The following DNMT3L variants were observed in gnomAD, a reference collection of about 807,000 sequenced individuals.
DNMT3L encodes DNA (cytosine-5)-methyltransferase 3-like.
A neutral mutation model predicts 36.2 loss-of-function variants in DNMT3L; 33 were observed. The ratio of observed to expected loss-of-function variants is 0.91; its 90% CI spans 0.69 to 1.22. The LOEUF is 1.22. Ranked by LOEUF, DNMT3L falls within the 50% of genes most tolerant of loss-of-function variation. The pLI is 0.00. For synonymous variants in DNMT3L, 117 were observed against 121.7 expected (o/e 0.96, Z 0.26); for missense variants, 310 against 303.1 (o/e 1.02, Z -0.17).
At chr21:44,260,726 G>A in intron 3 of DNMT3L, 69 bp downstream of exon 3, 1 of 1,602,824 alleles carries the variant, frequency 6.2e-7, no homozygotes. Flanking sequence ...CCAAAGTGCT[G>A]GGATTATAGG....
In DNMT3L at chr21:44,256,120, A is replaced by G. The variant is rs373613659; in HGVS notation, c.551T>C (p.Val184Ala). ...CACCCGGACTGGCTGTCTCCTCCAC[A>G]CAGGCACGGTTTCGAACATCTCAAG... The part of the protein sequence containing the change: ...NPLEMFETVP[V>A]WRRQPVRVLS... Residue 184 changes from valine to alanine, a missense_variant, in exon 7 of 12, where the codon GTG becomes GCG. Val to Ala is a moderately conservative substitution (Grantham distance 64). Transcript: ENST00000628202. 6.2e-7 allele frequency: 1 copy of G among 1,613,956 alleles called. No homozygotes were observed. The highest frequency in any genetic ancestry group is 8.5e-7 in the Non-Finnish European group (1 of 1,179,996).
At chr21:44,261,093 C>T (rs1184473746) in intron 2 of DNMT3L, 61 bp downstream of exon 2, 13 of 1,581,664 alleles carry the variant, frequency 8.2e-6, no homozygotes, top group Non-Finnish European at 7.8e-6. Context: ...AACTCCAGAC[C>T]TCATCCAGGC....
At chr21:44,254,179 G>A (rs1357112900) in intron 8 of DNMT3L, among the ~76,000 whole-genome samples, 2 of 152,226 alleles carry the variant, frequency 1.3e-5, no homozygotes, top group African/African-American at 4.8e-5. Flanking sequence ...CTTTCAAACA[G>A]TGACCAGTTG....
At chr21:44,257,167 G>A (rs2040266102) in intron 6 of DNMT3L, among the ~76,000 whole-genome samples, 1 of 152,012 alleles carries the variant, frequency 6.6e-6, no homozygotes, top group Non-Finnish European at 1.5e-5. Flanking sequence ...ATCACTTGAG[G>A]TCAGGAGTTC....
chr21:44,255,661 T>A (rs968447), intron 7 of DNMT3L, among the ~76,000 whole-genome samples: 2 of 152,016 alleles, frequency 1.3e-5, no homozygotes. Context: ...GAGGAGGCCC[T>A]GGCTTTCTCA....
At chr21:44,261,696 C>T (rs2838535) in intron 1 of DNMT3L, 44 bp downstream of exon 1, 17,435 of 167,914 alleles carry the variant, frequency 0.1, 1,139 homozygotes, top group African/African-American at 0.17. Context: ...TGGCCAGCCG[C>T]ACCCTTGAAG....
intron 8 of DNMT3L, 41 bp downstream of exon 8, chr21:44,254,576 C>T (rs766918063): frequency 8.7e-6 from 14 of 1,604,192 alleles, no homozygotes; most frequent in East Asian, 2.3e-5. Flanking sequence ...CTCGCACCCC[C>T]GCTCCCACTA....
chr21:44,253,868 C>T (rs1487059953), intron 8 of DNMT3L, among the ~76,000 whole-genome samples: 5 of 152,218 alleles, frequency 3.3e-5, no homozygotes, highest in Non-Finnish European at 5.9e-5. Context: ...CCAAACTCCT[C>T]ATGCCTCCGG....
chr21:44,254,957 C>A (rs1278021893), intron 7 of DNMT3L, among the ~76,000 whole-genome samples: 2 of 152,124 alleles, frequency 1.3e-5, no homozygotes, highest in East Asian at 3.9e-4. Flanking sequence ...TCCCGAGTAG[C>A]TGGGACTACA....
chr21:44,258,562 C>A lies in DNMT3L; in HGVS notation c.477G>T (p.Lys159Asn). 1 of 1,600,910 alleles carries A rather than the reference C, an allele frequency of 6.2e-7. No individual in the cohort carries two copies. The highest frequency in any genetic ancestry group is 8.5e-7 in the Non-Finnish European group (1 of 1,174,300). Residue 159 changes from lysine to asparagine, a missense_variant, in exon 6 of 12, where the codon AAG (lysine) becomes AAT (asparagine). Transcript: ENST00000628202. The surrounding 1 kb of genome is among the most constrained non-coding windows in gnomAD (Gnocchi z 6.2). ...SRSGLLQRRR[K>N]WRSQLKAFYD... ...AGAAGGCCTTGAGCTGGCTGCGCCA[C>A]TTCCTCCGACGCTGCAGCAGCCCGC...
At chr21:44,259,809 C>A in intron 3 of DNMT3L, 98 bp from the exon 4 acceptor site, 1 of 1,254,816 alleles carries the variant, frequency 8.0e-7, no homozygotes. Context: ...GAGACTTATA[C>A]ACTGAAAACT....
chr21:44,254,214 A>G (rs2040239896), intron 8 of DNMT3L, among the ~76,000 whole-genome samples: 2 of 152,164 alleles, frequency 1.3e-5, no homozygotes. Flanking sequence ...CGGCCTCCTC[A>G]TTTTAGAGGG....
intron 6 of DNMT3L, among the ~76,000 whole-genome samples, chr21:44,256,982 G>T (rs1232078426): frequency 2.6e-5 from 4 of 152,164 alleles, no homozygotes; most frequent in African/African-American, 4.8e-5. Context: ...GGAGGCCAGT[G>T]CAGTTTCATG....
chr21:44,259,625 T>C lies in DNMT3L; in HGVS notation c.231+7A>G. 6.2e-7 allele frequency: 1 copy of C among 1,613,314 alleles called. No homozygotes were observed. Among genetic ancestry groups the C allele is most frequent in the Non-Finnish European group, 8.5e-7 (1 of 1,179,884 alleles). ...ATGAGGGAGTCACCCCCAGCCTCCC[T>C]GCCTACCTTACATGGGGCGCAGATC... On this transcript the variant is annotated splice_region_variant and intron_variant, in intron 4 of 11. Transcript: ENST00000628202.
intron 3 of DNMT3L, among the ~76,000 whole-genome samples, chr21:44,260,370 G>C (rs1193999973): frequency 1.3e-5 from 2 of 152,206 alleles, no homozygotes; most frequent in African/African-American, 2.4e-5. Context: ...TGCTGACTCT[G>C]TAAATAAACT....
At chr21:44,257,455 G>A (rs1024091891) in intron 6 of DNMT3L, among the ~76,000 whole-genome samples, 2 of 152,012 alleles carry the variant, frequency 1.3e-5, no homozygotes, top group Non-Finnish European at 1.5e-5. Flanking sequence ...GCCGAGGCGG[G>A]CGGATCACGA....
At chr21:44,255,252 C>T (rs554596703) in intron 7 of DNMT3L, among the ~76,000 whole-genome samples, 40 of 152,150 alleles carry the variant, frequency 2.6e-4, no homozygotes, top group African/African-American at 7.2e-4. Context: ...CGGGCACAGA[C>T]GCTCAAGCCT....
chr21:44,254,099 C>T (rs1324439685), intron 8 of DNMT3L, among the ~76,000 whole-genome samples: 1 of 152,182 alleles, frequency 6.6e-6, no homozygotes, highest in Non-Finnish European at 1.5e-5. Context: ...ACCAAGGCAG[C>T]GGGGAATCTG....
chr21:44,254,805 A>G, intron 7 of DNMT3L, 100 bp from the exon 8 acceptor site: 2 of 1,141,094 alleles, frequency 1.8e-6, no homozygotes, highest in South Asian at 1.4e-5. Flanking sequence ...CCCTCCTACC[A>G]TTAAGGAGCC....
Sources: gnomAD v4.1 joint callset for allele counts (sites outside exome capture counted in the v4.1 genomes callset) on GRCh38, gnomAD v4.1.1 for gene constraint, Gnocchi (gnomAD v3.1) non-coding constraint, MANE v1.5 for transcripts, NCBI Gene and HGNC (gene_info 2026-07-23, HGNC 2026-07-21) for gene names.